PPIL6: variants seen among roughly 807,000 people sequenced by gnomAD.
PPIL6 encodes peptidylprolyl isomerase like 6, also known as probable inactive peptidyl-prolyl cis-trans isomerase-like 6.
A neutral mutation model predicts 36.8 loss-of-function variants in PPIL6; 39 were observed. The observed-to-expected ratio is 1.06, with a 90% confidence interval of 0.82 to 1.38. The LOEUF (loss-of-function observed/expected upper bound fraction) is 1.38, where lower values mean the gene tolerates loss of function less well. Ranked by LOEUF, PPIL6 falls within the 40% of genes most tolerant of loss-of-function variation. The probability of loss-of-function intolerance (pLI) is 0.00; values close to 1 mark genes in which losing one functional copy is unlikely to be tolerated. For missense variants in PPIL6, 368 were observed against 379.1 expected (o/e 0.97, Z 0.24); for synonymous variants, 123 against 134.1 (o/e 0.92, Z 0.57).
chr6:109,422,600 A>G (rs183086940), intron 5 of PPIL6, among the ~76,000 whole-genome samples: 275 of 151,968 alleles, frequency 1.8e-3, no homozygotes, highest in African/African-American at 6.5e-3. Context: ...AAAAAAAAAG[A>G]ATGTGGGAAT....
chr6:109,400,262 ACT>A (rs1772475641), intron 6 of PPIL6, 92 bp from the exon 7 acceptor site: 1 of 956,682 alleles, frequency 1.0e-6, no homozygotes, highest in East Asian at 2.6e-5. Flanking sequence ...CCTTGGTAAC[ACT>A]CTCAATCATA....
intron 7 of PPIL6, among the ~76,000 whole-genome samples, chr6:109,396,771 G>C (rs1772322671): frequency 6.6e-6 from 1 of 151,988 alleles, no homozygotes; most frequent in African/African-American, 2.4e-5. Flanking sequence ...GAGCCCACTG[G>C]GCCAGCCATG....
At chr6:109,421,023 G>A (rs940803228) in intron 5 of PPIL6, among the ~76,000 whole-genome samples, 6 of 152,172 alleles carry the variant, frequency 3.9e-5, no homozygotes, top group African/African-American at 1.4e-4. Context: ...GGGAAGCTGA[G>A]GGCCCCCCCA....
At chr6:109,425,626 G>T (rs1773773235) in intron 5 of PPIL6, among the ~76,000 whole-genome samples, 1 of 151,964 alleles carries the variant, frequency 6.6e-6, no homozygotes, top group Non-Finnish European at 1.5e-5. Flanking sequence ...GTGGGCCCCT[G>T]CTATCCTGGC....
intron 6 of PPIL6, chr6:109,404,968 C>T: frequency 3.3e-6 from 1 of 305,080 alleles, no homozygotes; most frequent in Non-Finnish European, 6.3e-6. Context: ...GCAGGAGAAT[C>T]ACTTGAACCT....
intron 7 of PPIL6, among the ~76,000 whole-genome samples, chr6:109,395,645 G>A (rs1050319656): frequency 1.3e-4 from 18 of 138,462 alleles, no homozygotes; most frequent in Middle Eastern, 4.1e-3. Context: ...TTACTCTGTC[G>A]CCAGGCTGGA....
chr6:109,392,920 G>A lies in PPIL6; in HGVS notation c.842C>T (p.Thr281Ile), dbSNP rs764866784. ...TAATTCTAGTTGTTTAAGCACTTCT[G>A]TTCCTTCAATCAGTTGCCTACATAG... ...FVAFGQLIEG[T>I]EVLKQLELVP... Residue 281 changes from threonine (T) to isoleucine (I), a missense_variant, in exon 8 of 8, where the codon ACA (threonine) becomes ATA (isoleucine). Thr to Ile is a moderately conservative substitution (Grantham distance 89). Coordinates refer to ENST00000521072, the MANE Select transcript of PPIL6 (RefSeq NM_173672.5). 6.2e-7 allele frequency: 1 copy of A among 1,607,354 alleles called. No individual in the cohort carries two copies. Among genetic ancestry groups the A allele is most frequent in the Admixed American group, 1.7e-5 (1 of 59,158 alleles).
chr6:109,399,927 G>A (rs2115199241), intron 7 of PPIL6, 108 bp downstream of exon 7: 1 of 753,440 alleles, frequency 1.3e-6, no homozygotes, highest in East Asian at 2.9e-5. Flanking sequence ...TTGCATTTAA[G>A]CCCTATTTTT....
chr6:109,436,741 AC>A (rs1287663900), intron 1 of PPIL6, among the ~76,000 whole-genome samples: 9 of 152,096 alleles, frequency 5.9e-5, no homozygotes, highest in African/African-American at 1.7e-4. Flanking sequence ...AAACAAAAAA[AC>A]AAAACAAAAC....
intron 7 of PPIL6, among the ~76,000 whole-genome samples, chr6:109,396,281 T>C (rs77594800): frequency 0.041 from 6,206 of 152,298 alleles, 177 homozygotes; most frequent in South Asian, 0.093. Context: ...TAAAGAGATT[T>C]TTTCTTCAAA....
At chr6:109,407,301 G>A (rs1772840374) in intron 6 of PPIL6, among the ~76,000 whole-genome samples, 2 of 151,120 alleles carry the variant, frequency 1.3e-5, no homozygotes, top group South Asian at 2.1e-4. Context: ...CTGCAGTGGC[G>A]CTATCTCGGC....
At chr6:109,440,655 C>A, upstream of PPIL6, 1 of 1,152,362 alleles carries the variant, frequency 8.7e-7, no homozygotes, top group South Asian at 4.4e-5. Context: ...CGCGCGGCCC[C>A]GCCTCCGCCG....
intron 6 of PPIL6, among the ~76,000 whole-genome samples, chr6:109,405,885 G>C (rs904079543): frequency 6.6e-6 from 1 of 152,118 alleles, no homozygotes; most frequent in Non-Finnish European, 1.5e-5. Context: ...TGTATGTTTC[G>C]TGACCATTTA....
intron 1 of PPIL6, chr6:109,440,176 A>C: frequency 7.7e-6 from 4 of 517,940 alleles, no homozygotes; most frequent in East Asian, 5.0e-5. Flanking sequence ...CTCGGAGGGG[A>C]TTACCTTATC....
At chr6:109,403,122 G>A in intron 6 of PPIL6, 12 of 1,470,536 alleles carry the variant, frequency 8.2e-6, no homozygotes, top group Non-Finnish European at 9.9e-6. Flanking sequence ...AAATTAAAGA[G>A]CTATAATTTA....
rs374134084 is a variant in PPIL6 at position 109,397,457 on chromosome 6, T to C, written c.824+2578A>G. 3.9e-5 allele frequency among the ~76,000 whole-genome samples: 6 copies of C among 152,342 alleles called. No homozygotes were observed. In the East Asian group the frequency reaches 1.2e-3, roughly 29 times the overall value. On this transcript the variant is annotated intron_variant, in intron 7 of 7. Transcript: ENST00000521072. ...ACAGTTTGCATGGCCCATGTCTCAC[T>C]GTCACATAGCTATTGGCTATTTGAC... is the stretch of plus-strand genomic sequence containing the variant.
At position 109,439,418 on chromosome 6, in the gene PPIL6, G is replaced by A. The variant is rs1193365189; in HGVS notation, c.135+1038C>T. Among the ~76,000 whole-genome samples the A allele has an allele frequency of 4.6e-5, 7 of 152,110 alleles. No homozygotes were observed. The East Asian group carries it at 1.2e-3, about 25-fold the overall frequency. On this transcript the variant is annotated intron_variant, in intron 1 of 7. Transcript: ENST00000521072. ...GTCGCCCAGGCTGGAGGGCAATGGC[G>A]CGATCTCAGCTCTCTGCAAACTCCG...
chr6:109,437,578 G>A (rs548715083), intron 1 of PPIL6, among the ~76,000 whole-genome samples: 4 of 130,512 alleles, frequency 3.1e-5, no homozygotes, highest in East Asian at 2.2e-4. Context: ...TTTTTGAGAC[G>A]GAGTCTCGCT....
chr6:109,403,976 T>C (rs1256843749), intron 6 of PPIL6, among the ~76,000 whole-genome samples: 1 of 152,212 alleles, frequency 6.6e-6, no homozygotes, highest in Non-Finnish European at 1.5e-5. Context: ...AGCTGTGCTC[T>C]CGCTTTCACA....
Sources: allele counts gnomAD v4.1 joint callset (sites outside exome capture counted in the v4.1 genomes callset), GRCh38; gene constraint gnomAD v4.1.1; transcripts MANE v1.5; gene names NCBI Gene and HGNC (gene_info 2026-07-23, HGNC 2026-07-21).